Variants in RARB observed in about 807,000 individuals in gnomAD.
RARB encodes retinoic acid receptor beta.
A neutral mutation model predicts 51.9 loss-of-function variants in RARB; 17 were observed. The ratio of observed to expected loss-of-function variants is 0.33; its 90% CI spans 0.22 to 0.49. The LOEUF (loss-of-function observed/expected upper bound fraction) is 0.49, where lower values mean the gene tolerates loss of function less well. Among genes scored for constraint, RARB ranks in the 20% least tolerant of loss-of-function variants. RARB has a pLI of 0.99. For missense variants in RARB, 369 were observed against 550.8 expected (o/e 0.67, Z 3.30); for synonymous variants, 215 against 195.4 (o/e 1.10, Z -0.84).
intron 4 of RARB, among the ~76,000 whole-genome samples, chr3:25,577,151 G>A (rs1700969598): frequency 6.6e-6 from 1 of 152,138 alleles, no homozygotes; most frequent in Non-Finnish European, 1.5e-5. Flanking sequence ...TGCACTGGTG[G>A]GAAGCCTAAA....
At chr3:25,355,142 T>C (rs1416481401) in intron 5 of RARB, among the ~76,000 whole-genome samples, 1 of 152,108 alleles carries the variant, frequency 6.6e-6, no homozygotes, top group Non-Finnish European at 1.5e-5. Flanking sequence ...GAATACTACC[T>C]GGTGTGTTCA....
chr3:25,211,604 A>G (rs544548584), intron 5 of RARB, among the ~76,000 whole-genome samples: 1 of 152,240 alleles, frequency 6.6e-6, no homozygotes, highest in Non-Finnish European at 1.5e-5. Flanking sequence ...CCATGATTCA[A>G]ATCTGAAATT....
Position 24,989,487 on chromosome 3 carries a change from T to C in RARB, c.-379-70638T>C, listed in dbSNP as rs1696865699. 4.1e-5 allele frequency among the ~76,000 whole-genome samples: 2 copies of C among 48,798 alleles called. 1 individual carries two copies. Among genetic ancestry groups the C allele is most frequent in the Admixed American group, 6.0e-4 (2 of 3,328 alleles). 32.0% of individuals were successfully genotyped at this position (48,798 alleles called of 152,430 possible). A position where few individuals can be genotyped will look rare whatever the true frequency, so the allele number is the denominator to read the frequency against. ...CTCGAGTTTCCACTTCCCTACATCC[T>C]CACAAATGCTTGATATTGCAAGGTA... On this transcript the variant is annotated intron_variant, in intron 2 of 11. Transcript: ENST00000383772.
chr3:25,003,344 C>G (rs186115854), intron 2 of RARB, among the ~76,000 whole-genome samples: 1 of 152,164 alleles, frequency 6.6e-6, no homozygotes, highest in East Asian at 1.9e-4. Context: ...TCAGAATGGA[C>G]CTGGACCGAA....
chr3:25,532,502 A>T (rs1046099797), intron 3 of RARB, among the ~76,000 whole-genome samples: 27 of 152,238 alleles, frequency 1.8e-4, no homozygotes, highest in African/African-American at 5.5e-4. Context: ...TCCCCAAAGC[A>T]AAAGACGGAA....
chr3:25,570,908 C>G (rs1559472931), intron 4 of RARB, among the ~76,000 whole-genome samples: 4 of 151,344 alleles, frequency 2.6e-5, no homozygotes, highest in Admixed American at 6.6e-5. Flanking sequence ...CATGGGAGGT[C>G]CTGAAGATCA....
intron 2 of RARB, among the ~76,000 whole-genome samples, chr3:25,473,560 G>A (rs189367581): frequency 1.5e-4 from 23 of 152,298 alleles, no homozygotes; most frequent in Admixed American, 1.1e-3. Context: ...TTCAAAAGCA[G>A]CAAAATGCAG....
intron 3 of RARB, among the ~76,000 whole-genome samples, chr3:25,543,618 A>G (rs1323765941): frequency 6.6e-6 from 1 of 152,166 alleles, no homozygotes; most frequent in Non-Finnish European, 1.5e-5. Context: ...CATTTGGGGA[A>G]CTATTAAGCA....
intron 5 of RARB, among the ~76,000 whole-genome samples, chr3:25,396,631 G>A (rs1707122507): frequency 6.6e-6 from 1 of 152,066 alleles, no homozygotes; most frequent in South Asian, 2.1e-4. Flanking sequence ...CAGCTACCAG[G>A]GCAGGTAGAG....
chr3:25,080,805 C>T (rs1698979159), intron 3 of RARB, among the ~76,000 whole-genome samples: 1 of 151,978 alleles, frequency 6.6e-6, no homozygotes, highest in African/African-American at 2.4e-5. Context: ...GTATTAAAGC[C>T]TTATCAGGTA....
intron 2 of RARB, among the ~76,000 whole-genome samples, chr3:25,034,910 T>C (rs1390714797): frequency 1.3e-5 from 2 of 152,226 alleles, no homozygotes; most frequent in East Asian, 3.8e-4. Context: ...TGGCAGCTGC[T>C]CACTTTACAC....
intron 3 of RARB, among the ~76,000 whole-genome samples, chr3:25,121,281 G>C (rs1386272274): frequency 1.3e-5 from 2 of 152,114 alleles, no homozygotes; most frequent in Admixed American, 6.6e-5. Flanking sequence ...GAAGACAGGA[G>C]ATATAAGAGG....
intron 4 of RARB, among the ~76,000 whole-genome samples, chr3:25,163,504 A>AAAAAATATATATATATATATATAT (rs1303712411): frequency 7.6e-6 from 1 of 131,124 alleles, no homozygotes; most frequent in African/African-American, 3.2e-5. Flanking sequence ...CCTATCTCAA[A>AAAAAATATATATATATATATATAT]ATATATATAT....
intron 3 of RARB, among the ~76,000 whole-genome samples, chr3:25,524,595 C>T (rs1698553202): frequency 6.6e-6 from 1 of 151,534 alleles, no homozygotes; most frequent in African/African-American, 2.4e-5. Flanking sequence ...TTTCCCTTTA[C>T]CCTTCTCTTC....
At chr3:25,148,523 GC>G (rs1700230778) in intron 4 of RARB, among the ~76,000 whole-genome samples, 1 of 152,126 alleles carries the variant, frequency 6.6e-6, no homozygotes, top group Non-Finnish European at 1.5e-5. Context: ...ATTTACAGGG[GC>G]CATTTCTACG....
At chr3:25,510,708 C>T (rs1446751103) in intron 3 of RARB, among the ~76,000 whole-genome samples, 1 of 152,196 alleles carries the variant, frequency 6.6e-6, no homozygotes, top group Non-Finnish European at 1.5e-5. Flanking sequence ...AAACTGCACA[C>T]TGTGATATGA....
intron 2 of RARB, among the ~76,000 whole-genome samples, chr3:25,008,033 T>C (rs1307512257): frequency 6.6e-6 from 1 of 152,144 alleles, no homozygotes; most frequent in Admixed American, 6.6e-5. Context: ...CAGCTTTTTT[T>C]GGCACATAAA....
At chr3:25,388,358 A>G (rs1047967336) in intron 5 of RARB, among the ~76,000 whole-genome samples, 5 of 152,224 alleles carry the variant, frequency 3.3e-5, no homozygotes, top group Admixed American at 6.5e-5. Flanking sequence ...TTATAAGACT[A>G]TTATAGTCAT....
At chr3:24,986,615 A>AT (rs1221191333) in intron 2 of RARB, among the ~76,000 whole-genome samples, 4 of 152,178 alleles carry the variant, frequency 2.6e-5, no homozygotes, top group Non-Finnish European at 4.4e-5. Context: ...CCATAATGCT[A>AT]TTTTTTGTTC....
Sources: gnomAD v4.1 joint callset for allele counts (sites outside exome capture counted in the v4.1 genomes callset) on GRCh38, gnomAD v4.1.1 for gene constraint, MANE v1.5 for transcripts, NCBI Gene and HGNC (gene_info 2026-07-23, HGNC 2026-07-21) for gene names.